Variants in OPCML observed in about 807,000 individuals in gnomAD.
OPCML encodes opioid binding protein/cell adhesion molecule like.
Under a neutral mutation model 37.8 loss-of-function variants are expected in OPCML, and 13 were observed. The observed-to-expected ratio is 0.34, with a 90% CI of 0.22 to 0.55. The LOEUF (loss-of-function observed/expected upper bound fraction) is 0.55. Ranked by LOEUF, OPCML falls within the 20% of genes least tolerant of loss-of-function variation. OPCML has a pLI of 0.91. For synonymous variants in OPCML, 176 were observed against 168.8 expected, an observed-to-expected ratio of 1.04 and a Z score of -0.33; for missense variants, 341 against 435.6, an observed-to-expected ratio of 0.78 and a Z score of 1.93.
intron 1 of OPCML, among the ~76,000 whole-genome samples, chr11:133,334,082 AG>A (rs1208233824): frequency 2.6e-5 from 4 of 152,232 alleles, no homozygotes; most frequent in Non-Finnish European, 5.9e-5. Flanking sequence ...AAAGCAGTAC[AG>A]TGATTCTTCA....
intron 1 of OPCML, among the ~76,000 whole-genome samples, chr11:133,116,555 T>A (rs1280588519): frequency 1.3e-5 from 2 of 152,110 alleles, no homozygotes; most frequent in Admixed American, 1.3e-4. Context: ...TTAATTTAGG[T>A]ATGCTGGATG....
chr11:133,394,732 A>G (rs1452278905), intron 1 of OPCML, among the ~76,000 whole-genome samples: 1 of 152,178 alleles, frequency 6.6e-6, no homozygotes, highest in East Asian at 1.9e-4. Flanking sequence ...TGCAAATGAC[A>G]GCTTCATTGT....
At chr11:132,795,533 C>A (rs940919409) in intron 2 of OPCML, among the ~76,000 whole-genome samples, 8 of 152,194 alleles carry the variant, frequency 5.3e-5, no homozygotes, top group Non-Finnish European at 1.2e-4. Flanking sequence ...TTTAACCTAT[C>A]ATTTAACTCC....
intron 3 of OPCML, among the ~76,000 whole-genome samples, chr11:132,605,034 G>T (rs1259950989): frequency 6.6e-6 from 1 of 152,138 alleles, no homozygotes; most frequent in East Asian, 1.9e-4. Context: ...TAGAATGGTG[G>T]AAAGGGAGTA....
At chr11:132,649,178 T>C (rs1484336505) in intron 3 of OPCML, among the ~76,000 whole-genome samples, 1 of 152,176 alleles carries the variant, frequency 6.6e-6, no homozygotes, top group Non-Finnish European at 1.5e-5. Context: ...GTGGTGTCTG[T>C]GTGTGTCTTA....
chr11:133,060,166 C>T (rs1351449052), intron 1 of OPCML, among the ~76,000 whole-genome samples: 1 of 150,550 alleles, frequency 6.6e-6, no homozygotes, highest in South Asian at 2.1e-4. Context: ...TCTCCTCTCC[C>T]TCTCCCTCTC....
At chr11:133,172,918 T>C (rs1950307510) in intron 1 of OPCML, among the ~76,000 whole-genome samples, 1 of 152,220 alleles carries the variant, frequency 6.6e-6, no homozygotes, top group Non-Finnish European at 1.5e-5. Context: ...GTAAGTACTA[T>C]TTGGAAGTGA....
At chr11:133,432,779 G>A (rs757885573) in intron 1 of OPCML, among the ~76,000 whole-genome samples, 12 of 152,118 alleles carry the variant, frequency 7.9e-5, no homozygotes, top group Non-Finnish European at 1.8e-4. Flanking sequence ...GGAAACCAGA[G>A]TGAATTCACA....
intron 1 of OPCML, among the ~76,000 whole-genome samples, chr11:133,517,215 T>C (rs1948298954): frequency 6.6e-6 from 1 of 152,272 alleles, no homozygotes; most frequent in Admixed American, 6.5e-5. Flanking sequence ...TACTTTTATC[T>C]ATTTTTATCT....
intron 3 of OPCML, among the ~76,000 whole-genome samples, chr11:132,597,925 C>T (rs562007944): frequency 6.6e-6 from 1 of 152,108 alleles, no homozygotes; most frequent in East Asian, 1.9e-4. Flanking sequence ...GTGAATTTTC[C>T]TTAATGTGCT....
chr11:133,121,906 C>A (rs947153363), intron 1 of OPCML, among the ~76,000 whole-genome samples: 2 of 152,046 alleles, frequency 1.3e-5, no homozygotes, highest in Admixed American at 1.3e-4. Flanking sequence ...CATTTCTGTC[C>A]CCAGGAAAGT....
chr11:132,963,166 C>G (rs143213273), intron 1 of OPCML, among the ~76,000 whole-genome samples: 299 of 152,204 alleles, frequency 2.0e-3, no homozygotes, highest in African/African-American at 6.9e-3. Flanking sequence ...CTGGAAAGGG[C>G]CTCCGATATC....
At chr11:132,504,930 A>G (rs1187655739) in intron 4 of OPCML, among the ~76,000 whole-genome samples, 1 of 152,118 alleles carries the variant, frequency 6.6e-6, no homozygotes, top group Non-Finnish European at 1.5e-5. Context: ...ATGGGCTTGC[A>G]ATACCAATGC....
At chr11:132,718,823 G>A (rs1944580641) in intron 2 of OPCML, among the ~76,000 whole-genome samples, 2 of 152,194 alleles carry the variant, frequency 1.3e-5, no homozygotes, top group African/African-American at 4.8e-5. Flanking sequence ...GAGTCTGAAG[G>A]GAAAGAGACA....
chr11:132,515,322 C>T (rs1472458419), intron 4 of OPCML, among the ~76,000 whole-genome samples: 1 of 152,074 alleles, frequency 6.6e-6, no homozygotes, highest in Non-Finnish European at 1.5e-5. Flanking sequence ...AAAAGACAGG[C>T]AGAAAGGACT....
rs139763624 is a variant in OPCML, at chr11:132,914,154, C to T, written c.146+28772G>A. On this transcript the variant is annotated intron_variant, in intron 2 of 7. Coordinates refer to ENST00000524381, the MANE Select transcript of OPCML (RefSeq NM_001012393.5). ...CAATGTGCTGACACACATTCCCTGC[C>T]GCAAATGGAGAAGTCACAAAAGAAG... is the stretch of plus-strand genomic sequence containing the variant. Among the ~76,000 whole-genome samples the T allele has an allele frequency of 2.9e-4, 44 of 152,306 alleles. No homozygotes were observed. In the East Asian group the frequency reaches 6.2e-3, roughly 21 times the overall value.
At chr11:132,533,835 G>A (rs1051847758) in intron 3 of OPCML, among the ~76,000 whole-genome samples, 2 of 152,094 alleles carry the variant, frequency 1.3e-5, no homozygotes, top group African/African-American at 4.8e-5. Context: ...GAGCTTATTT[G>A]TGATGCCTGA....
chr11:133,089,660 G>C (rs1388338137), intron 1 of OPCML, among the ~76,000 whole-genome samples: 1 of 152,034 alleles, frequency 6.6e-6, no homozygotes, highest in African/African-American at 2.4e-5. Flanking sequence ...CCTGATAAAT[G>C]GTACAGGCAG....
intron 1 of OPCML, among the ~76,000 whole-genome samples, chr11:133,232,990 C>T (rs1342365738): frequency 6.6e-6 from 1 of 152,164 alleles, no homozygotes; most frequent in Non-Finnish European, 1.5e-5. Context: ...CACCTGCTTC[C>T]ACTGTCATGG....
Sources: gnomAD v4.1 joint callset for allele counts (sites outside exome capture counted in the v4.1 genomes callset) on GRCh38, gnomAD v4.1.1 for gene constraint, MANE v1.5 for transcripts, NCBI Gene and HGNC (gene_info 2026-07-23, HGNC 2026-07-21) for gene names.